The following ZNF469 variants were observed in gnomAD, a reference collection of about 807,000 sequenced individuals.
The protein encoded by ZNF469 is zinc finger protein 469.
Under a neutral mutation model 1.0 loss-of-function variants are expected in ZNF469, and 1 was observed. The observed-to-expected ratio is 1.00, with a 90% CI of 0.35 to 4.73. ZNF469 has a LOEUF of 4.73. Ranked by LOEUF, ZNF469 falls within the 30% of genes most tolerant of loss-of-function variation. The probability of loss-of-function intolerance (pLI) is 0.16; values close to 1 mark genes in which losing one functional copy is unlikely to be tolerated. For synonymous variants in ZNF469, 2,703 were observed against 2,363.4 expected, an observed-to-expected ratio of 1.14 and a Z score of -4.17; for missense variants, 6,100 against 5,356.3, an observed-to-expected ratio of 1.14 and a Z score of -4.33.
chr16:88,269,908 G>A, the ZNF469 span, among the ~76,000 whole-genome samples: 1,032 of 152,086 alleles, frequency 6.8e-3, 9 homozygotes, highest in African/African-American at 0.023. Context: ...TCCTGCCCAC[G>A]CCCTGGACTC....
chr16:88,105,155 A>G, the ZNF469 span, among the ~76,000 whole-genome samples: 1 of 152,184 alleles, frequency 6.6e-6, no homozygotes, highest in Non-Finnish European at 1.5e-5. Context: ...GGGAAGGTCA[A>G]GGCTGCAGTG....
At chr16:88,292,389 C>G in the ZNF469 span, among the ~76,000 whole-genome samples, 1 of 152,168 alleles carries the variant, frequency 6.6e-6, no homozygotes, top group Non-Finnish European at 1.5e-5. Context: ...GTTGTAAACT[C>G]GGACCAGTAA....
the ZNF469 span, among the ~76,000 whole-genome samples, chr16:88,280,379 G>C: frequency 1.3e-5 from 2 of 152,042 alleles, no homozygotes; most frequent in Non-Finnish European, 1.5e-5. Context: ...TTGGTGCACA[G>C]ATCAGTGCTG....
the ZNF469 span, among the ~76,000 whole-genome samples, chr16:88,364,053 C>T: frequency 1.3e-5 from 2 of 152,204 alleles, no homozygotes; most frequent in East Asian, 3.8e-4. Context: ...GAAATCACTG[C>T]CTATTCCAAG....
At chr16:88,171,002 A>G in the ZNF469 span, among the ~76,000 whole-genome samples, 10 of 152,192 alleles carry the variant, frequency 6.6e-5, no homozygotes, top group Middle Eastern at 3.4e-3. Context: ...TTAAACACTC[A>G]CCCTAGGACA....
the ZNF469 span, among the ~76,000 whole-genome samples, chr16:88,296,123 C>T: frequency 4.6e-5 from 7 of 152,150 alleles, no homozygotes; most frequent in African/African-American, 1.4e-4. Flanking sequence ...TCCCTTCCTG[C>T]GACAGGAATT....
chr16:88,202,476 C>A, the ZNF469 span, among the ~76,000 whole-genome samples: 15 of 152,344 alleles, frequency 9.8e-5, no homozygotes, highest in African/African-American at 3.6e-4. Flanking sequence ...ACAGCCAGCA[C>A]CTCTCAGGTG....
At chr16:88,215,905 A>C in the ZNF469 span, among the ~76,000 whole-genome samples, 1,195 of 152,134 alleles carry the variant, frequency 7.9e-3, 23 homozygotes, top group African/African-American at 0.028. Flanking sequence ...CCCACAATCC[A>C]TTCCTATCAT....
chr16:88,349,399 C>T, the ZNF469 span, among the ~76,000 whole-genome samples: 7 of 150,432 alleles, frequency 4.7e-5, no homozygotes, highest in Non-Finnish European at 1.0e-4. Flanking sequence ...GGCACACACA[C>T]CAGGCACCAC....
chr16:88,137,042 A>T, the ZNF469 span, among the ~76,000 whole-genome samples: 1 of 152,260 alleles, frequency 6.6e-6, no homozygotes, highest in African/African-American at 2.4e-5. Flanking sequence ...CCATGTGTGC[A>T]TATGGCTATG....
the ZNF469 span, among the ~76,000 whole-genome samples, chr16:88,301,575 G>A: frequency 4.6e-5 from 7 of 152,210 alleles, no homozygotes; most frequent in African/African-American, 1.7e-4. Flanking sequence ...AGGCGAGTAG[G>A]GGACACAGGC....
Position 88,435,411 on chromosome 16 carries a change from C to G in ZNF469, c.7941C>G (p.Ser2647Arg). ...KLRGRRLREE[S>R]ILPVSADVIS... is the part of the protein sequence containing the mutation. Reference sequence around the variant, plus strand: ...GAGGGAGAAGGCTCCGGGAGGAGAGCATTCTTCCAGTCTCTGCTGATGTGA... The same window carrying G: ...GAGGGAGAAGGCTCCGGGAGGAGAGGATTCTTCCAGTCTCTGCTGATGTGA... The change falls in exon 3 of 3, where the codon AGC (serine) becomes AGG (arginine). Residue 2647 changes from serine (S) to arginine (R), a missense_variant. Transcript: ENST00000565624. 1 of 1,550,346 alleles carries G rather than the reference C, an allele frequency of 6.5e-7. No individual in the cohort carries two copies. The highest frequency in any genetic ancestry group is 8.7e-7 in the Non-Finnish European group (1 of 1,146,990).
chr16:88,415,877 T>C (rs4782354), intron 1 of ZNF469, among the ~76,000 whole-genome samples: 146,470 of 152,340 alleles, frequency 0.96, 70,435 homozygotes, highest in East Asian at 1. Flanking sequence ...GTGCTCATAG[T>C]GTCCTTCCTC....
chr16:88,403,078 C>A (rs1904929466), intron 1 of ZNF469, among the ~76,000 whole-genome samples: 1 of 152,192 alleles, frequency 6.6e-6, no homozygotes, highest in African/African-American at 2.4e-5. Flanking sequence ...GGCCCAGAAA[C>A]TTAAGAAGGA....
chr16:88,173,577 G>C, the ZNF469 span, among the ~76,000 whole-genome samples: 1 of 152,104 alleles, frequency 6.6e-6, no homozygotes, highest in East Asian at 1.9e-4. Context: ...AGTAATTACA[G>C]AGATAAATGC....
the ZNF469 span, among the ~76,000 whole-genome samples, chr16:88,305,504 A>G: frequency 6.7e-6 from 1 of 149,200 alleles, no homozygotes; most frequent in African/African-American, 2.5e-5. Flanking sequence ...GCACACACGC[A>G]CACCCTCACA....
At chr16:88,328,504 C>G in the ZNF469 span, among the ~76,000 whole-genome samples, 2 of 152,172 alleles carry the variant, frequency 1.3e-5, no homozygotes, top group African/African-American at 4.8e-5. Context: ...CGCCACGGCC[C>G]CAGTGCAAGA....
chr16:88,394,186 C>T (rs116131323), intron 1 of ZNF469, among the ~76,000 whole-genome samples: 20,806 of 142,454 alleles, frequency 0.15, 6,787 homozygotes, highest in Non-Finnish European at 0.17. Context: ...TCTACACCTG[C>T]GCTGCCTGGG....
the ZNF469 span, among the ~76,000 whole-genome samples, chr16:88,271,925 G>C: frequency 0.43 from 65,743 of 151,626 alleles, 14,732 homozygotes; most frequent in African/African-American, 0.55. Context: ...GGGTGTATGG[G>C]TAGATGAGTG....
Sources: allele counts gnomAD v4.1 joint callset (sites outside exome capture counted in the v4.1 genomes callset), GRCh38; gene constraint gnomAD v4.1.1; transcripts MANE v1.5; gene names NCBI Gene and HGNC (gene_info 2026-07-23, HGNC 2026-07-21).